WASHC4: variants seen among roughly 807,000 people sequenced by gnomAD.
WASHC4 encodes WASH complex subunit 7.
Under a neutral mutation model 166.6 loss-of-function variants are expected in WASHC4, and 86 were observed. That is an observed-to-expected ratio of 0.52 (90% CI 0.43 to 0.62). The LOEUF (loss-of-function observed/expected upper bound fraction) is 0.62. Ranked by LOEUF, WASHC4 falls within the 20% of genes least tolerant of loss-of-function variation. WASHC4 has a pLI of 0.00. For synonymous variants in WASHC4, 446 were observed against 451.6 expected (o/e 0.99, Z 0.16); for missense variants, 1,262 against 1,382.4 (o/e 0.91, Z 1.38).
In WASHC4 at chr12:105,140,524, T is replaced by A; in HGVS notation, c.1560+123T>A. ...ATTCCTTCAAACATAATATGCTCGG[T>A]TATTTATCTCCATAGTATTTTACAA... On this transcript the variant is annotated intron_variant, in intron 16 of 32. Transcript: ENST00000332180. The A allele has an allele frequency of 5.3e-6, 4 of 749,930 alleles. No individual in the cohort carries two copies. In the South Asian group the frequency reaches 6.4e-5, roughly 12 times the overall value. The allele number at this position is 749,930 out of a possible 1,614,324, so 46.5% of individuals were successfully genotyped here. A position where few individuals can be genotyped will look rare whatever the true frequency, so the allele number is the denominator to read the frequency against.
Position 105,166,913 on chromosome 12 carries a change from T to C in WASHC4, c.3504T>C (p.Ala1168=). The part of the protein sequence containing the change: ...NGDLSDSTVS[A]DPVVK ...ACCTGTCTGACAGCACTGTGTCTGC[T>C]GATCCTGTTGTGAAATGATACGGAT... The change falls in exon 33 of 33, where the codon GCT becomes GCC. Residue 1168 remains alanine (A), a synonymous_variant. Transcript: ENST00000332180. 1.9e-6 allele frequency: 3 copies of C among 1,605,632 alleles called. No homozygotes were observed. The highest frequency in any genetic ancestry group is 2.6e-6 in the Non-Finnish European group (3 of 1,175,718).
In WASHC4 at chr12:105,140,821, A is replaced by G. The variant is rs1027112912; in HGVS notation, c.1561-78A>G. On this transcript the variant is annotated intron_variant, in intron 16 of 32. Transcript: ENST00000332180. ...TGCTCTCTTAAATTGAATCATGGAA[A>G]AGATAATCAAGAAGTTTTTCTTCTG... 4.4e-6 allele frequency: 6 copies of G among 1,369,108 alleles called. No homozygotes were observed. In the East Asian group the frequency reaches 1.4e-4, roughly 32 times the overall value. The allele number at this position is 1,369,108 out of a possible 1,614,324, so 84.8% of individuals were successfully genotyped here. A position where few individuals can be genotyped will look rare whatever the true frequency, so the allele number is the denominator to read the frequency against.
intron 14 of WASHC4, among the ~76,000 whole-genome samples, chr12:105,135,660 C>T (rs1882249867): frequency 6.9e-6 from 1 of 145,170 alleles, no homozygotes; most frequent in South Asian, 2.3e-4. Context: ...TTTTCTGTTT[C>T]CTCTGTTCTA....
chr12:105,165,153 C>A (rs1471003971), intron 32 of WASHC4, among the ~76,000 whole-genome samples: 1 of 152,170 alleles, frequency 6.6e-6, no homozygotes, highest in African/African-American at 2.4e-5. Flanking sequence ...ACTGTAAAAT[C>A]ATAGGGGCTA....
At position 105,139,425 on chromosome 12, in the gene WASHC4, G is replaced by GTATATATATATATATATA. The variant is rs71069791; in HGVS notation, c.1453-853_1453-836dup. Among the ~76,000 whole-genome samples the GTATATATATATATATATA allele has an allele frequency of 3.5e-3, 357 of 103,098 alleles. 8 individuals are homozygous for GTATATATATATATATATA. The highest frequency in any genetic ancestry group is 0.013 in the Middle Eastern group (2 of 154). The allele number at this position is 103,098 out of a possible 152,430, so 67.6% of individuals were successfully genotyped here. On this transcript the variant is annotated intron_variant, in intron 15 of 32. Coordinates refer to ENST00000332180, the MANE Select transcript of WASHC4 (RefSeq NM_015275.3). ...AGACAGACTATATATATGTGTGTGT[G>GTATATATATATATATATA]TATATATATATATATATATATATAT... is the stretch of plus-strand genomic sequence containing the variant.
rs542977953 is a variant in WASHC4, at chr12:105,153,689, A to G, written c.2758+1238A>G. Among the ~76,000 whole-genome samples the G allele has an allele frequency of 5.9e-5, 9 of 152,324 alleles. No individual in the cohort carries two copies. In the South Asian group the frequency reaches 6.2e-4, roughly 11 times the overall value. The stretch of plus-strand genomic sequence containing the variant: ...GTCCATGTGCTTAAAGCTTGGGTCT[A>G]TGGACCTCAGATTAAGAGCTGTCCT... On this transcript the variant is annotated intron_variant, in intron 26 of 32. Coordinates refer to ENST00000332180, the MANE Select transcript of WASHC4 (RefSeq NM_015275.3).
intron 14 of WASHC4, among the ~76,000 whole-genome samples, chr12:105,134,840 A>G (rs976553551): frequency 7.9e-5 from 12 of 151,778 alleles, no homozygotes; most frequent in Admixed American, 2.6e-4. Context: ...GTTTTAAACT[A>G]CCACCTGACT....
At chr12:105,112,591 G>C (rs1879801153) in intron 2 of WASHC4, among the ~76,000 whole-genome samples, 1 of 152,042 alleles carries the variant, frequency 6.6e-6, no homozygotes, top group South Asian at 2.1e-4. Context: ...TTATTGTCTT[G>C]ATTATATTCT....
chr12:105,166,719 A>C (rs1219592480), intron 32 of WASHC4, 145 bp from the exon 33 acceptor site: 1 of 661,420 alleles, frequency 1.5e-6, no homozygotes, highest in Non-Finnish European at 2.7e-6. Flanking sequence ...ACAAGGTATA[A>C]TTTGTGATGT....
intron 7 of WASHC4, among the ~76,000 whole-genome samples, chr12:105,120,308 A>C (rs1880608635): frequency 1.3e-5 from 2 of 152,204 alleles, no homozygotes; most frequent in South Asian, 4.1e-4. Context: ...CAAGAATACT[A>C]TTAGGTTGGT....
intron 14 of WASHC4, among the ~76,000 whole-genome samples, chr12:105,137,287 C>T (rs181097925): frequency 1.3e-5 from 2 of 152,260 alleles, no homozygotes; most frequent in East Asian, 3.9e-4. Context: ...AATCTGTTCT[C>T]ATTGGGCTGG....
intron 13 of WASHC4, among the ~76,000 whole-genome samples, chr12:105,130,276 A>G (rs1485163102): frequency 6.6e-6 from 1 of 152,218 alleles, no homozygotes; most frequent in Non-Finnish European, 1.5e-5. Flanking sequence ...TGCCAATCCT[A>G]TTCTGGTGCC....
rs1229219547 is a variant in WASHC4, at chr12:105,168,124, A to G, written c.*1193A>G. The G allele has an allele frequency of 6.6e-6, 1 of 152,104 alleles. No individual in the cohort carries two copies. The highest frequency in any genetic ancestry group is 1.5e-5 in the Non-Finnish European group (1 of 67,940). 9.4% of individuals were successfully genotyped at this position (152,104 alleles called of 1,614,324 possible). Reference sequence around the variant, plus strand: ...TTTCTATTGCATTTGTCTGCTAAACATTTCTTTGGATAAATCCTGCAAATA... The same window carrying G: ...TTTCTATTGCATTTGTCTGCTAAACGTTTCTTTGGATAAATCCTGCAAATA... On this transcript the variant is annotated 3_prime_UTR_variant, in exon 33 of 33. Transcript: ENST00000332180.
At chr12:105,148,120 A>G (rs764944426) in intron 24 of WASHC4, 1 of 985,304 alleles carries the variant, frequency 1.0e-6, no homozygotes, top group Non-Finnish European at 1.2e-6. Context: ...AGAAAATGGA[A>G]AGTTAAGTTG....
At chr12:105,142,601 A>T in intron 19 of WASHC4, 43 bp downstream of exon 19, 1 of 1,119,960 alleles carries the variant, frequency 8.9e-7, no homozygotes. Flanking sequence ...TCATTTTAAA[A>T]GTCACTGTGT....
intron 12 of WASHC4, among the ~76,000 whole-genome samples, chr12:105,126,814 A>G (rs1331450392): frequency 6.6e-6 from 1 of 152,104 alleles, no homozygotes; most frequent in Non-Finnish European, 1.5e-5. Flanking sequence ...GTACTTAAAT[A>G]GAATGAAACT....
rs1014899004 is a variant in WASHC4 at position 105,148,644 on chromosome 12, G to A, written c.2515-971G>A. 7.1e-6 allele frequency: 7 copies of A among 985,094 alleles called. No individual in the cohort carries two copies. The African/African-American group carries it at 1.2e-4, about 17-fold the overall frequency. 61.0% of individuals were successfully genotyped at this position (985,094 alleles called of 1,614,324 possible). ...AAGAAACAGAAAAAACAAGGAGAGA[G>A]TACAATGTTTAAGCTACAAGATAAG... On this transcript the variant is annotated intron_variant, in intron 24 of 32. Coordinates refer to ENST00000332180, the MANE Select transcript of WASHC4 (RefSeq NM_015275.3).
At chr12:105,161,874 T>A (rs1884517108) in intron 29 of WASHC4, among the ~76,000 whole-genome samples, 1 of 152,326 alleles carries the variant, frequency 6.6e-6, no homozygotes, top group East Asian at 1.9e-4. Context: ...CCATGTATAG[T>A]CACATGTGGC....
At chr12:105,125,926 T>A in intron 10 of WASHC4, 78 bp from the exon 11 acceptor site, 2 of 1,293,922 alleles carry the variant, frequency 1.5e-6, no homozygotes, top group Non-Finnish European at 2.2e-6. Context: ...TCATACACTG[T>A]ATTTAGTGTA....
Sources: gnomAD v4.1 joint callset for allele counts (sites outside exome capture counted in the v4.1 genomes callset) on GRCh38, gnomAD v4.1.1 for gene constraint, MANE v1.5 for transcripts, NCBI Gene and HGNC (gene_info 2026-07-23, HGNC 2026-07-21) for gene names.